Variants in ST3GAL3 observed in about 807,000 individuals in gnomAD.
ST3GAL3 encodes CMP-N-acetylneuraminate-beta-1,4-galactoside alpha-2,3-sialyltransferase.
Under a neutral mutation model 50.1 loss-of-function variants are expected in ST3GAL3, and 21 were observed. The ratio of observed to expected loss-of-function variants is 0.42; its 90% confidence interval spans 0.30 to 0.60. The LOEUF (loss-of-function observed/expected upper bound fraction) is 0.60. ST3GAL3 is among the 20% of genes least tolerant of loss of function. The pLI, the probability that ST3GAL3 is intolerant of heterozygous loss-of-function variation, is 0.19. For missense variants in ST3GAL3, 353 were observed against 489.4 expected (o/e 0.72, Z 2.63); for synonymous variants, 183 against 190.0 (o/e 0.96, Z 0.30).
intron 1 of ST3GAL3, among the ~76,000 whole-genome samples, chr1:43,709,739 C>T (rs987465423): frequency 5.3e-5 from 8 of 152,018 alleles, no homozygotes; most frequent in Admixed American, 2.0e-4. Flanking sequence ...CCCAGCTGCT[C>T]GGGAGGCTGA....
intron 5 of ST3GAL3, among the ~76,000 whole-genome samples, chr1:43,877,511 AG>A (rs1458821715): frequency 6.6e-6 from 1 of 152,096 alleles, no homozygotes; most frequent in Admixed American, 6.6e-5. Flanking sequence ...CAGATGGAAT[AG>A]GTTTAGGGGA....
chr1:43,859,939 TGCCA>T (rs1372477725), intron 5 of ST3GAL3, among the ~76,000 whole-genome samples: 1 of 152,362 alleles, frequency 6.6e-6, no homozygotes, highest in Non-Finnish European at 1.5e-5. Flanking sequence ...GGCAGGACTC[TGCCA>T]GCTATATGTT....
intron 9 of ST3GAL3, chr1:43,911,917 T>A (rs2081011213): frequency 6.6e-6 from 1 of 152,154 alleles, no homozygotes; most frequent in Non-Finnish European, 1.5e-5. Flanking sequence ...CTCAAACTCG[T>A]CAGTTCAAGT....
intron 2 of ST3GAL3, among the ~76,000 whole-genome samples, chr1:43,756,074 C>G (rs1480095128): frequency 1.8e-5 from 2 of 112,396 alleles, no homozygotes; most frequent in Admixed American, 1.3e-4. Flanking sequence ...GTACTCTAAC[C>G]TGGTAGACAG....
intron 2 of ST3GAL3, among the ~76,000 whole-genome samples, chr1:43,759,862 G>A (rs770534024): frequency 1.3e-5 from 2 of 152,114 alleles, no homozygotes; most frequent in South Asian, 2.1e-4. Flanking sequence ...GATATGCGTT[G>A]TTTCACTCAA....
At chr1:43,837,235 G>T (rs752314047) in intron 4 of ST3GAL3, among the ~76,000 whole-genome samples, 2 of 152,186 alleles carry the variant, frequency 1.3e-5, no homozygotes, top group Non-Finnish European at 2.9e-5. Context: ...GAGGCACTTA[G>T]CCCAATCCGA....
chr1:43,789,610 C>G (rs1173619630), intron 2 of ST3GAL3, among the ~76,000 whole-genome samples: 1 of 152,062 alleles, frequency 6.6e-6, no homozygotes, highest in Non-Finnish European at 1.5e-5. Context: ...ATGGCTCGTG[C>G]CTGTAATCCC....
intron 4 of ST3GAL3, among the ~76,000 whole-genome samples, chr1:43,830,567 A>G (rs1368407891): frequency 6.6e-6 from 1 of 152,184 alleles, no homozygotes; most frequent in Non-Finnish European, 1.5e-5. Context: ...GGATTTAGGG[A>G]CAATGTTATC....
chr1:43,726,916 C>A (rs1673199358), intron 1 of ST3GAL3, among the ~76,000 whole-genome samples: 1 of 152,172 alleles, frequency 6.6e-6, no homozygotes, highest in Non-Finnish European at 1.5e-5. Context: ...TCTTGTAAAA[C>A]TTGTATGCAT....
At chr1:43,910,821 C>G (rs2080682212) in intron 9 of ST3GAL3, among the ~76,000 whole-genome samples, 1 of 152,216 alleles carries the variant, frequency 6.6e-6, no homozygotes, top group Non-Finnish European at 1.5e-5. Flanking sequence ...TGGTACTGCC[C>G]TTTGACCTGA....
chr1:43,830,858 A>G (rs1381394923), intron 4 of ST3GAL3, among the ~76,000 whole-genome samples: 1 of 152,394 alleles, frequency 6.6e-6, no homozygotes, highest in East Asian at 1.9e-4. Context: ...TCCAAATAAG[A>G]AAAATAAATG....
intron 5 of ST3GAL3, among the ~76,000 whole-genome samples, chr1:43,877,566 T>G (rs2074346052): frequency 6.6e-6 from 1 of 152,180 alleles, no homozygotes; most frequent in Non-Finnish European, 1.5e-5. Flanking sequence ...TAGGTGCCAG[T>G]AGGAGATCTT....
intron 4 of ST3GAL3, among the ~76,000 whole-genome samples, chr1:43,824,449 C>T (rs2062516106): frequency 6.6e-6 from 1 of 151,770 alleles, no homozygotes; most frequent in Non-Finnish European, 1.5e-5. Context: ...AAAAATATTT[C>T]ACTAAAGATT....
At chr1:43,823,057 C>G (rs1180125165) in intron 4 of ST3GAL3, among the ~76,000 whole-genome samples, 2 of 152,144 alleles carry the variant, frequency 1.3e-5, no homozygotes, top group Non-Finnish European at 2.9e-5. Context: ...ATCCTCAGAT[C>G]CAGCCACTTC....
intron 5 of ST3GAL3, among the ~76,000 whole-genome samples, chr1:43,892,229 C>T (rs2076782984): frequency 6.6e-6 from 1 of 152,182 alleles, no homozygotes. Context: ...AGGCACAAGC[C>T]ACTGCGCCCA....
At chr1:43,730,860 T>C (rs1284669284) in intron 1 of ST3GAL3, among the ~76,000 whole-genome samples, 1 of 152,198 alleles carries the variant, frequency 6.6e-6, no homozygotes, top group Non-Finnish European at 1.5e-5. Flanking sequence ...AAGTCTCTGA[T>C]TTCTATTTCA....
rs530686496 is a variant in ST3GAL3 at position 43,844,496 on chromosome 1, GA to G, written c.302+6188del. Among the ~76,000 whole-genome samples, 40 of 152,302 alleles carry G rather than the reference GA, an allele frequency of 2.6e-4. 1 individual carries two copies. The East Asian group carries it at 7.4e-3, about 28-fold the overall frequency. Reference sequence around the variant, plus strand: ...CAAAGGTCTTAAGAGCTCTGGGTCAGAAACTAGGGTCAGAGACTAGACTAAC... The same window carrying G: ...CAAAGGTCTTAAGAGCTCTGGGTCAGAACTAGGGTCAGAGACTAGACTAAC... On this transcript the variant is annotated intron_variant, in intron 5 of 11. Transcript: ENST00000347631.
At chr1:43,858,188 G>A (rs1030183208) in intron 5 of ST3GAL3, 25 of 1,289,292 alleles carry the variant, frequency 1.9e-5, no homozygotes, top group African/African-American at 1.7e-4. Context: ...TATGTGCTCC[G>A]CCAGAGGTGA....
chr1:43,755,864 C>G lies in ST3GAL3; in HGVS notation c.118+19484C>G, dbSNP rs182644142. ...ATTGGCTCCTAGTGCTTTGGGGGGC[C>G]AAGTTGGGAGGATCACTTCTAGGAG... On this transcript the variant is annotated intron_variant, in intron 2 of 11. Transcript: ENST00000347631. Among the ~76,000 whole-genome samples, 8 of 151,776 alleles carry G rather than the reference C, an allele frequency of 5.3e-5. No individual in the cohort carries two copies. The East Asian group carries it at 1.5e-3, about 29-fold the overall frequency.
Sources: gnomAD v4.1 joint callset for allele counts (sites outside exome capture counted in the v4.1 genomes callset) on GRCh38, gnomAD v4.1.1 for gene constraint, MANE v1.5 for transcripts, NCBI Gene and HGNC (gene_info 2026-07-23, HGNC 2026-07-21) for gene names.